The following OMA1 variants were observed in gnomAD, a reference collection of about 807,000 sequenced individuals.
OMA1 encodes the protein metalloendopeptidase OMA1, mitochondrial.
In OMA1, 38 loss-of-function variants were observed where a neutral mutation model predicts 30.9. The ratio of observed to expected loss-of-function variants is 1.23; its 90% CI spans 0.95 to 1.61. The LOEUF (loss-of-function observed/expected upper bound fraction) is 1.61. Among genes scored for constraint, OMA1 ranks in the 40% most tolerant of loss-of-function variants. The pLI is 0.00. For synonymous variants in OMA1, 173 were observed against 121.9 expected, an observed-to-expected ratio of 1.42 and a Z score of -2.76; for missense variants, 461 against 349.2, an observed-to-expected ratio of 1.32 and a Z score of -2.55.
chr1:58,524,431 T>C (rs1404962346), intron 7 of OMA1, among the ~76,000 whole-genome samples: 1 of 152,208 alleles, frequency 6.6e-6, no homozygotes, highest in African/African-American at 2.4e-5. Context: ...CCTTTTAAGT[T>C]GTAATATAAT....
intron 1 of OMA1, 160 bp downstream of exon 1, chr1:58,546,543 C>T (rs1200701120): frequency 6.6e-6 from 1 of 151,396 alleles, no homozygotes; most frequent in Non-Finnish European, 1.5e-5. Flanking sequence ...CCACCCACGC[C>T]TCCTCCCGTA....
chr1:58,525,568 T>C lies in OMA1; in HGVS notation c.1215+1693A>G, dbSNP rs544013848. Among the ~76,000 whole-genome samples the C allele has an allele frequency of 1.6e-3, 248 of 152,112 alleles. 1 individual carries two copies. The highest frequency in any genetic ancestry group is 5.8e-3 in the African/African-American group (242 of 41,518). ...TCAAAACATCGAGAAAAATTAAACA[T>C]CTAAACAAACTGGAAAATATATCAT... is the stretch of plus-strand genomic sequence containing the variant. On this transcript the variant is annotated intron_variant, in intron 7 of 8. Coordinates refer to ENST00000371226, the MANE Select transcript of OMA1 (RefSeq NM_145243.5).
intron 7 of OMA1, among the ~76,000 whole-genome samples, chr1:58,520,890 CA>C (rs1346993539): frequency 1.3e-5 from 2 of 151,270 alleles, no homozygotes; most frequent in East Asian, 3.9e-4. Flanking sequence ...TTGATAACTA[CA>C]AAAAAAAGGA....
intron 8 of OMA1, among the ~76,000 whole-genome samples, chr1:58,487,669 T>G (rs1429726425): frequency 6.6e-6 from 1 of 152,216 alleles, no homozygotes; most frequent in East Asian, 1.9e-4. Flanking sequence ...GATTTATTTA[T>G]ACCTTACTTC....
chr1:58,493,973 A>C (rs12063488), intron 8 of OMA1, among the ~76,000 whole-genome samples: 1,876 of 115,904 alleles, frequency 0.016, 201 homozygotes, highest in Non-Finnish European at 0.021. Context: ...AATCCTAAGC[A>C]AAAAGAACAA....
chr1:58,499,504 AG>A (rs1330821836), intron 8 of OMA1, among the ~76,000 whole-genome samples: 6 of 146,856 alleles, frequency 4.1e-5, no homozygotes, highest in Non-Finnish European at 7.5e-5. Context: ...ATAGATAGAT[AG>A]ATAAATAGAT....
At chr1:58,537,823 T>C (rs878992553) in intron 2 of OMA1, among the ~76,000 whole-genome samples, 1 of 152,218 alleles carries the variant, frequency 6.6e-6, no homozygotes, top group Non-Finnish European at 1.5e-5. Context: ...ACATTATCCT[T>C]TATTTAAAAT....
intron 8 of OMA1, among the ~76,000 whole-genome samples, chr1:58,488,298 T>C (rs1270325653): frequency 1.3e-5 from 2 of 152,238 alleles, no homozygotes; most frequent in African/African-American, 2.4e-5. Flanking sequence ...TATGTTCTGA[T>C]GATTGGAACC....
chr1:58,506,277 T>A (rs745409275), intron 7 of OMA1, 68 bp from the exon 8 acceptor site: 1 of 732,146 alleles, frequency 1.4e-6, no homozygotes, highest in Non-Finnish European at 2.3e-6. Context: ...ACTACTACTT[T>A]ATTTTTTTTT....
intron 8 of OMA1, among the ~76,000 whole-genome samples, chr1:58,497,585 T>C (rs545232817): frequency 3.3e-5 from 5 of 150,378 alleles, no homozygotes; most frequent in African/African-American, 9.9e-5. Flanking sequence ...TTTTGGGCAA[T>C]AGCAGACATA....
chr1:58,535,412 C>T (rs758501419), intron 3 of OMA1, among the ~76,000 whole-genome samples: 6 of 151,832 alleles, frequency 4.0e-5, no homozygotes, highest in Non-Finnish European at 2.9e-5. Flanking sequence ...CTGGCCAACA[C>T]GGATGAAACC....
chr1:58,525,938 G>A (rs1334185634), intron 7 of OMA1, among the ~76,000 whole-genome samples: 4 of 151,936 alleles, frequency 2.6e-5, no homozygotes, highest in African/African-American at 9.7e-5. Context: ...AGACACTGAA[G>A]TCTGGTGAAA....
chr1:58,539,953 A>G (rs189098235), intron 1 of OMA1, among the ~76,000 whole-genome samples: 7 of 152,274 alleles, frequency 4.6e-5, no homozygotes, highest in Admixed American at 1.3e-4. Context: ...ATAACTCTAG[A>G]GTTCTGCAGA....
At chr1:58,544,295 C>T (rs1355966346) in intron 1 of OMA1, among the ~76,000 whole-genome samples, 1 of 151,998 alleles carries the variant, frequency 6.6e-6, no homozygotes, top group Admixed American at 6.6e-5. Context: ...TTAATGAGTG[C>T]CCACTAAATG....
chr1:58,492,847 G>A (rs963452494), intron 8 of OMA1, among the ~76,000 whole-genome samples: 6 of 152,160 alleles, frequency 3.9e-5, no homozygotes, highest in Admixed American at 1.3e-4. Context: ...ACAAGAAGGA[G>A]CTGGTACCAT....
At chr1:58,520,680 GA>G (rs1646247864) in intron 7 of OMA1, among the ~76,000 whole-genome samples, 1 of 151,954 alleles carries the variant, frequency 6.6e-6, no homozygotes, top group African/African-American at 2.4e-5. Context: ...ATACTAAAAG[GA>G]AAAAGTGGAC....
intron 5 of OMA1, among the ~76,000 whole-genome samples, chr1:58,533,426 A>C (rs34404284): frequency 0.019 from 2,919 of 152,242 alleles, 36 homozygotes; most frequent in Non-Finnish European, 0.029. Flanking sequence ...TAAAATTATG[A>C]ATGGGAAGCC....
chr1:58,538,684 AAAGT>A (rs1419910719), intron 2 of OMA1, 107 bp downstream of exon 2: 1 of 546,084 alleles, frequency 1.8e-6, no homozygotes, highest in African/African-American at 1.9e-5. Flanking sequence ...GGTTTCTTTA[AAAGT>A]ACAGTTTTAT....
At chr1:58,482,901 T>A (rs1353375960) in intron 8 of OMA1, among the ~76,000 whole-genome samples, 2 of 152,138 alleles carry the variant, frequency 1.3e-5, no homozygotes. Flanking sequence ...TTTTAAGTTT[T>A]ACTCTAAACA....
Sources: allele counts gnomAD v4.1 joint callset (sites outside exome capture counted in the v4.1 genomes callset), GRCh38; gene constraint gnomAD v4.1.1; transcripts MANE v1.5; gene names NCBI Gene and HGNC (gene_info 2026-07-23, HGNC 2026-07-21).